The following SKIC8 variants were observed in gnomAD, a reference collection of about 807,000 sequenced individuals.
SKIC8 encodes the protein SKI8 subunit of superkiller complex.
chr15:78,285,714 A>G, the SKIC8 span: 2 of 421,058 alleles, frequency 4.7e-6, no homozygotes, highest in Non-Finnish European at 8.5e-6. Flanking sequence ...AGGCCTGACC[A>G]ACACTGGGAT....
chr15:78,292,953 GTAGGACTT>G, the SKIC8 span: 1 of 974,832 alleles, frequency 1.0e-6, no homozygotes, highest in South Asian at 1.8e-5. Context: ...GGTTTTAAAT[GTAGGACTT>G]TAAGATTTTT....
chr15:78,293,027 A>C, the SKIC8 span: 1 of 835,616 alleles, frequency 1.2e-6, no homozygotes, highest in African/African-American at 1.7e-5. Flanking sequence ...TGGGAAAAAT[A>C]AGCTGCTGTT....
At chr15:78,294,962 G>A in the SKIC8 span, 1 of 1,614,116 alleles carries the variant, frequency 6.2e-7, no homozygotes, top group Non-Finnish European at 8.5e-7. Flanking sequence ...CTTGTTTGAA[G>A]AGAATACCGT....
the SKIC8 span, chr15:78,295,755 G>T: frequency 6.7e-7 from 1 of 1,503,122 alleles, no homozygotes; most frequent in African/African-American, 1.4e-5. Context: ...ATTTCAGTGA[G>T]GGGGTGTCAT....
the SKIC8 span, chr15:78,289,852 C>T: frequency 1.3e-6 from 2 of 1,552,306 alleles, no homozygotes; most frequent in Admixed American, 1.8e-5. Flanking sequence ...ACAGCAGCTG[C>T]CTGACCAGAC....
the SKIC8 span, among the ~76,000 whole-genome samples, chr15:78,297,516 A>G: frequency 2.0e-5 from 3 of 152,230 alleles, no homozygotes; most frequent in South Asian, 6.2e-4. Flanking sequence ...GACACATTAT[A>G]TATGTGATCT....
the SKIC8 span, chr15:78,283,356 C>T: frequency 9.4e-6 from 11 of 1,175,658 alleles, no homozygotes; most frequent in African/African-American, 1.5e-5. Flanking sequence ...TTCTTTTAAA[C>T]AAGCCTAAGA....
chr15:78,297,512 TTATA>T, the SKIC8 span, among the ~76,000 whole-genome samples: 1 of 152,220 alleles, frequency 6.6e-6, no homozygotes, highest in Non-Finnish European at 1.5e-5. Context: ...TACTGACACA[TTATA>T]TATGTGATCT....
chr15:78,289,754 C>T, the SKIC8 span: 103 of 1,585,746 alleles, frequency 6.5e-5, no homozygotes, highest in Non-Finnish European at 8.1e-5. Context: ...TTTCAGACTC[C>T]GTGTTGTTAA....
chr15:78,289,429 C>CAAAA, the SKIC8 span, among the ~76,000 whole-genome samples: 1 of 148,166 alleles, frequency 6.7e-6, no homozygotes, highest in Non-Finnish European at 1.5e-5. Context: ...AACAAACAAA[C>CAAAA]AAAAAAACAA....
At chr15:78,285,215 G>C in the SKIC8 span, 1 of 1,586,368 alleles carries the variant, frequency 6.3e-7, no homozygotes, top group South Asian at 1.1e-5. Context: ...TTGGTACAAT[G>C]GTCAAACAAC....
chr15:78,289,417 CAAACAAACAAACAAAA>C, the SKIC8 span, among the ~76,000 whole-genome samples: 3 of 151,704 alleles, frequency 2.0e-5, no homozygotes, highest in African/African-American at 7.3e-5. Context: ...TAAAAGAAAA[CAAACAAACAAACAAAA>C]AAACAAAAAA....
At chr15:78,294,975 T>C in the SKIC8 span, 1 of 1,614,048 alleles carries the variant, frequency 6.2e-7, no homozygotes, top group East Asian at 2.2e-5. Context: ...AATACCGTAC[T>C]AAAAAAGAAC....
chr15:78,294,799 T>G, the SKIC8 span: 3 of 730,114 alleles, frequency 4.1e-6, no homozygotes, highest in East Asian at 8.1e-5. Flanking sequence ...TGTCTGTTTT[T>G]TAAGAGTATT....
the SKIC8 span, chr15:78,294,792 CTG>C: frequency 8.5e-6 from 5 of 589,186 alleles, no homozygotes; most frequent in Non-Finnish European, 1.4e-5. Flanking sequence ...TTGTTGTTGT[CTG>C]TTTTTTAAGA....
the SKIC8 span, chr15:78,289,982 G>A: frequency 1.2e-6 from 2 of 1,613,894 alleles, no homozygotes; most frequent in Non-Finnish European, 1.7e-6. Flanking sequence ...TTTTCCTCTC[G>A]TGTCCAAAGA....
chr15:78,290,228 T>C, the SKIC8 span: 1 of 960,416 alleles, frequency 1.0e-6, no homozygotes, highest in South Asian at 2.0e-5. Context: ...GAAAATTATG[T>C]TGTAAAGATG....
At chr15:78,288,495 T>G in the SKIC8 span, 1 of 1,027,498 alleles carries the variant, frequency 9.7e-7, no homozygotes, top group Non-Finnish European at 1.5e-6. Context: ...AATGCTCAGG[T>G]GCTTCAGGCA....
At chr15:78,292,855 T>C in the SKIC8 span, 10 of 1,572,306 alleles carry the variant, frequency 6.4e-6, no homozygotes, top group South Asian at 8.0e-5. Flanking sequence ...TCTGAAATTC[T>C]GGGTCCCTGT....
Sources: allele counts gnomAD v4.1 joint callset (sites outside exome capture counted in the v4.1 genomes callset), GRCh38; gene constraint gnomAD v4.1.1; transcripts MANE v1.5; gene names NCBI Gene and HGNC (gene_info 2026-07-23, HGNC 2026-07-21).